The following TMEM192 variants were observed in gnomAD, a reference collection of about 807,000 sequenced individuals.
TMEM192 encodes transmembrane protein 192.
Under a neutral mutation model 26.7 loss-of-function variants are expected in TMEM192, and 20 were observed. The observed-to-expected ratio is 0.75, with a 90% CI of 0.53 to 1.09. The LOEUF is 1.09. Among genes scored for constraint, TMEM192 ranks in the 50% least tolerant of loss-of-function variants. The pLI is 0.00. For synonymous variants in TMEM192, 124 were observed against 121.0 expected, an observed-to-expected ratio of 1.02 and a Z score of -0.16; for missense variants, 304 against 322.6, an observed-to-expected ratio of 0.94 and a Z score of 0.44.
intron 1 of TMEM192, among the ~76,000 whole-genome samples, chr4:165,112,441 G>A (rs1735317474): frequency 6.6e-6 from 1 of 152,210 alleles, no homozygotes; most frequent in Non-Finnish European, 1.5e-5. Context: ...CGGGATCAAA[G>A]ACGTACCCCG....
At chr4:165,094,240 T>C (rs1248576345) in intron 3 of TMEM192, among the ~76,000 whole-genome samples, 3 of 152,106 alleles carry the variant, frequency 2.0e-5, no homozygotes, top group East Asian at 3.9e-4. Context: ...TTTCACCATG[T>C]TGGCCAAGCT....
chr4:165,109,693 A>G (rs771364960), intron 1 of TMEM192, among the ~76,000 whole-genome samples: 1 of 152,258 alleles, frequency 6.6e-6, no homozygotes, highest in Non-Finnish European at 1.5e-5. Context: ...CAAAGCTAGC[A>G]TTGAAAACTT....
At position 165,085,645 on chromosome 4, in the gene TMEM192, T is replaced by C; in HGVS notation, c.618A>G (p.Ile206Met). The C allele has an allele frequency of 6.2e-7, 1 of 1,612,876 alleles. No individual in the cohort carries two copies. The highest frequency in any genetic ancestry group is 8.5e-7 in the Non-Finnish European group (1 of 1,179,526). Residue 206 changes from isoleucine to methionine, a missense_variant, in exon 5 of 6, where the codon ATA becomes ATG. Physicochemically the swap from Ile to Met is conservative, Grantham distance 10. Transcript: ENST00000306480. ...RFNKAKPEPD[I>M]LEEEKIYAYP... ...AAGCATAGATTTTTTCTTCTTCAAG[T>C]ATATCAGGCTCTGGTTTAGCTTTAT...
rs1734471136 is a variant in TMEM192 at position 165,079,557 on chromosome 4, A to C, written c.*101T>G. On this transcript the variant is annotated 3_prime_UTR_variant, in exon 6 of 6. Coordinates refer to ENST00000306480, the MANE Select transcript of TMEM192 (RefSeq NM_001100389.2). ...TTTCCAACAAACACTGTAAAATGCT[A>C]TTCAGCAAAAGCTGCAGTTCCCCGT... The C allele has an allele frequency of 7.3e-7, 1 of 1,363,710 alleles. No individual in the cohort carries two copies. The allele number at this position is 1,363,710 out of a possible 1,614,324, so 84.5% of individuals were successfully genotyped here. A position where few individuals can be genotyped will look rare whatever the true frequency, so the allele number is the denominator to read the frequency against.
chr4:165,099,578 C>A (rs1247079846), intron 3 of TMEM192, among the ~76,000 whole-genome samples: 1 of 152,168 alleles, frequency 6.6e-6, no homozygotes, highest in African/African-American at 2.4e-5. Context: ...ATGCATCTCA[C>A]TGCCTAACAG....
chr4:165,090,776 C>T (rs1734739431), intron 3 of TMEM192, among the ~76,000 whole-genome samples: 1 of 151,806 alleles, frequency 6.6e-6, no homozygotes, highest in African/African-American at 2.4e-5. Context: ...TGGTGGTGCA[C>T]ATTTGTAATC....
At chr4:165,105,156 C>T (rs746857895) in intron 1 of TMEM192, among the ~76,000 whole-genome samples, 5 of 152,210 alleles carry the variant, frequency 3.3e-5, no homozygotes, top group African/African-American at 4.8e-5. Flanking sequence ...CTCCACTAGA[C>T]GTCATTGGAC....
chr4:165,076,736 G>A lies in TMEM192; in HGVS notation c.*2922C>T. 6.6e-6 allele frequency: 1 copy of A among 152,114 alleles called. No homozygotes were observed. Among genetic ancestry groups the A allele is most frequent in the Non-Finnish European group, 1.5e-5 (1 of 68,034 alleles). The allele number at this position is 152,114 out of a possible 1,614,324, so 9.4% of individuals were successfully genotyped here. A position where few individuals can be genotyped will look rare whatever the true frequency, so the allele number is the denominator to read the frequency against. On this transcript the variant is annotated 3_prime_UTR_variant, in exon 6 of 6. Transcript: ENST00000306480. ...TTTAATTTTTGTATCCTCAGTGCTA[G>A]CACAATTACCAGCCTGGTGAATAGA...
chr4:165,105,110 T>A (rs560442311), intron 1 of TMEM192, among the ~76,000 whole-genome samples: 1 of 152,284 alleles, frequency 6.6e-6, no homozygotes, highest in African/African-American at 2.4e-5. Flanking sequence ...GCCTCTTCTA[T>A]CAAACTATCC....
intron 5 of TMEM192, among the ~76,000 whole-genome samples, chr4:165,083,975 C>G (rs184125075): frequency 1.3e-5 from 2 of 151,440 alleles, no homozygotes; most frequent in Admixed American, 1.3e-4. Context: ...GTGTGCATCA[C>G]TTTGCCCAGC....
chr4:165,098,737 G>A (rs1298491763), intron 3 of TMEM192, among the ~76,000 whole-genome samples: 1 of 151,380 alleles, frequency 6.6e-6, no homozygotes, highest in Admixed American at 6.6e-5. Context: ...CGCTCTTGTT[G>A]CCCAGGCTGG....
intron 1 of TMEM192, among the ~76,000 whole-genome samples, chr4:165,106,669 G>A (rs531542225): frequency 3.9e-5 from 6 of 152,134 alleles, no homozygotes; most frequent in Non-Finnish European, 8.8e-5. Flanking sequence ...CAGATTCTTC[G>A]GCCTTTGGAC....
chr4:165,107,018 TTCTC>T (rs1188415609), intron 1 of TMEM192, among the ~76,000 whole-genome samples: 3 of 152,014 alleles, frequency 2.0e-5, no homozygotes, highest in African/African-American at 7.2e-5. Flanking sequence ...AGGATTTTTT[TTCTC>T]TCTTTTTTTT....
intron 5 of TMEM192, among the ~76,000 whole-genome samples, chr4:165,080,088 G>A (rs1388961775): frequency 6.6e-6 from 1 of 152,062 alleles, no homozygotes; most frequent in African/African-American, 2.4e-5. Context: ...TAAGATAATT[G>A]AGTATAAGTA....
chr4:165,086,607 T>A (rs1013036881), intron 4 of TMEM192, among the ~76,000 whole-genome samples: 7 of 151,894 alleles, frequency 4.6e-5, no homozygotes, highest in African/African-American at 1.7e-4. Context: ...GTATTTTCAG[T>A]AGAGACGGTG....
At chr4:165,106,839 C>T (rs1355385690) in intron 1 of TMEM192, among the ~76,000 whole-genome samples, 3 of 152,128 alleles carry the variant, frequency 2.0e-5, no homozygotes, top group Non-Finnish European at 4.4e-5. Context: ...CATGGGACTT[C>T]ACTGTGTAAT....
At position 165,079,775 on chromosome 4, in the gene TMEM192, T is replaced by A; in HGVS notation, c.699A>T (p.Glu233Asp). 1.2e-6 allele frequency: 2 copies of A among 1,613,926 alleles called. No individual in the cohort carries two copies. The highest frequency in any genetic ancestry group is 1.7e-6 in the Non-Finnish European group (2 of 1,179,934). Reference sequence around the variant, plus strand: ...TGGTGTCTCCTTGCTTTTCAACAATTTCTTCTAGGCTTGAAATAGTTCTGC... The same window carrying A: ...TGGTGTCTCCTTGCTTTTCAACAATATCTTCTAGGCTTGAAATAGTTCTGC... ...TGFRTISSLE[E>D]IVEKQGDTIE... The change falls in exon 6 of 6, where the codon GAA becomes GAT. Residue 233 changes from glutamate (E) to aspartate (D), a missense_variant. Physicochemically the swap from Glu to Asp is conservative, Grantham distance 45. Transcript: ENST00000306480.
intron 4 of TMEM192, among the ~76,000 whole-genome samples, chr4:165,086,042 T>C (rs964215719): frequency 6.6e-6 from 1 of 152,184 alleles, no homozygotes; most frequent in African/African-American, 2.4e-5. Context: ...AAATCATGAC[T>C]TCCTCTGGTC....
rs70952701 is a variant in TMEM192 at position 165,103,511 on chromosome 4, ATT to A, written c.28-417_28-416del. Among the ~76,000 whole-genome samples, 947 of 95,198 alleles carry A rather than the reference ATT, an allele frequency of 9.9e-3. 16 individuals are homozygous for A. Among genetic ancestry groups the A allele is most frequent in the African/African-American group, 0.038 (890 of 23,628 alleles). The allele number at this position is 95,198 out of a possible 152,430, so 62.5% of individuals were successfully genotyped here. On this transcript the variant is annotated intron_variant, in intron 1 of 5. Coordinates refer to ENST00000306480, the MANE Select transcript of TMEM192 (RefSeq NM_001100389.2). ...AGGTGTGCACCACCACACCCAGCTA[ATT>A]TTTTTTTTTTTTTTTTTTGAGATAG...
Sources: allele counts gnomAD v4.1 joint callset (sites outside exome capture counted in the v4.1 genomes callset), GRCh38; gene constraint gnomAD v4.1.1; transcripts MANE v1.5; gene names NCBI Gene and HGNC (gene_info 2026-07-23, HGNC 2026-07-21).